MIPEP: variants seen among roughly 807,000 people sequenced by gnomAD.
The protein encoded by MIPEP is mitochondrial intermediate peptidase.
Under a neutral mutation model 90.3 loss-of-function variants are expected in MIPEP, and 79 were observed. The observed-to-expected ratio is 0.87, with a 90% CI of 0.73 to 1.05. MIPEP has a LOEUF of 1.05. Among genes scored for constraint, MIPEP ranks in the 50% least tolerant of loss-of-function variants. The probability of loss-of-function intolerance (pLI) is 0.00; values close to 1 mark genes in which losing one functional copy is unlikely to be tolerated. For synonymous variants in MIPEP, 334 were observed against 315.8 expected (o/e 1.06, Z -0.61); for missense variants, 940 against 905.6 (o/e 1.04, Z -0.49).
intron 18 of MIPEP, among the ~76,000 whole-genome samples, chr13:23,744,691 A>G (rs1223017303): frequency 6.6e-6 from 1 of 152,256 alleles, no homozygotes; most frequent in Non-Finnish European, 1.5e-5. Flanking sequence ...ACAATAAAAT[A>G]ACAAATGTAT....
chr13:23,869,548 C>T, intron 6 of MIPEP, 100 bp from the exon 7 acceptor site: 1 of 1,094,770 alleles, frequency 9.1e-7, no homozygotes, highest in Non-Finnish European at 1.3e-6. Context: ...TGCAGATGAT[C>T]ACTGCTTTCA....
Position 23,886,335 on chromosome 13 carries a change from A to C in MIPEP, c.361T>G (p.Leu121Val). 6.5e-7 allele frequency: 1 copy of C among 1,527,696 alleles called. No homozygotes were observed. Among genetic ancestry groups the C allele is most frequent in the Non-Finnish European group, 8.8e-7 (1 of 1,136,756 alleles). 94.6% of individuals were successfully genotyped at this position (1,527,696 alleles called of 1,614,324 possible). Residue 121 changes from leucine to valine, a missense_variant and splice_region_variant, in exon 2 of 19, where the codon TTG (leucine) becomes GTG (valine). By Grantham distance (32) the Leu-to-Val change is conservative (BLOSUM62 1). Coordinates refer to ENST00000382172, the MANE Select transcript of MIPEP (RefSeq NM_005932.4). ...LSDSLCRVAD[L>V]ADFVKIAHPE... ...AAGTCTGAGGTAAAGCACCTTACCA[A>C]GTCGGCCACTCTGCATAAGGAATCC... is the stretch of plus-strand genomic sequence containing the variant.
chr13:23,755,270 C>T (rs1952480024), intron 18 of MIPEP, among the ~76,000 whole-genome samples: 1 of 152,242 alleles, frequency 6.6e-6, no homozygotes, highest in Admixed American at 6.5e-5. Flanking sequence ...ACTACTTCAC[C>T]TCTGGCACAT....
intron 1 of MIPEP, 25 bp downstream of exon 1, chr13:23,889,106 AG>A: frequency 7.2e-7 from 1 of 1,390,540 alleles, no homozygotes; most frequent in Non-Finnish European, 9.3e-7. Context: ...TCGGGGACTG[AG>A]GGGAGCTCCT....
intron 16 of MIPEP, among the ~76,000 whole-genome samples, chr13:23,797,343 C>T (rs1161941128): frequency 6.6e-6 from 1 of 152,216 alleles, no homozygotes; most frequent in Non-Finnish European, 1.5e-5. Context: ...TGGCCCAACA[C>T]TGTTCATCTC....
At chr13:23,750,006 T>C (rs1593131472) in intron 18 of MIPEP, among the ~76,000 whole-genome samples, 1 of 152,088 alleles carries the variant, frequency 6.6e-6, no homozygotes, top group Admixed American at 6.6e-5. Context: ...AAGGGAAACA[T>C]GGTGGAGTCA....
chr13:23,870,227 G>A (rs1870730354), intron 5 of MIPEP, 32 bp from the exon 6 acceptor site: 3 of 1,418,494 alleles, frequency 2.1e-6, no homozygotes, highest in East Asian at 2.5e-5. Flanking sequence ...GTTATTTAAA[G>A]GCGTTTTGAA....
rs1386750578 is a variant in MIPEP, at chr13:23,872,147, T to C, written c.604-1952A>G. Reference sequence around the variant, plus strand: ...AACATTTCTATTACATTTAAACTTATAAGTTATATTTGTATGAGACCTTAA... The same window carrying C: ...AACATTTCTATTACATTTAAACTTACAAGTTATATTTGTATGAGACCTTAA... On this transcript the variant is annotated intron_variant, in intron 5 of 18. Transcript: ENST00000382172. 2.0e-5 allele frequency among the ~76,000 whole-genome samples: 3 copies of C among 152,234 alleles called. No individual in the cohort carries two copies. In the East Asian group the frequency reaches 5.8e-4, roughly 29 times the overall value.
intron 14 of MIPEP, among the ~76,000 whole-genome samples, chr13:23,833,924 C>A (rs912298191): frequency 6.6e-6 from 1 of 152,140 alleles, no homozygotes; most frequent in African/African-American, 2.4e-5. Context: ...CCCCTCCTGG[C>A]GGCAGTGATG....
At chr13:23,809,794 T>C in intron 15 of MIPEP, 56 bp downstream of exon 15, 1 of 1,023,972 alleles carries the variant, frequency 9.8e-7, no homozygotes, top group Non-Finnish European at 1.5e-6. Flanking sequence ...TGTAAAGTTA[T>C]ATATTTATTT....
intron 17 of MIPEP, among the ~76,000 whole-genome samples, chr13:23,757,250 G>A (rs1366962036): frequency 1.3e-5 from 2 of 151,996 alleles, no homozygotes; most frequent in East Asian, 3.9e-4. Context: ...CACATGCGCA[G>A]TTCACAGTAG....
At chr13:23,886,150 TATA>T (rs1292516632) in intron 2 of MIPEP, among the ~76,000 whole-genome samples, 180 bp downstream of exon 2, 5 of 152,192 alleles carry the variant, frequency 3.3e-5, no homozygotes, top group Non-Finnish European at 5.9e-5. Context: ...CACCTTTTCC[TATA>T]ATATTTTCCC....
intron 18 of MIPEP, among the ~76,000 whole-genome samples, chr13:23,752,680 T>G (rs1345057396): frequency 6.6e-6 from 1 of 152,180 alleles, no homozygotes; most frequent in Non-Finnish European, 1.5e-5. Flanking sequence ...AACCTTAACA[T>G]TGACAATGAG....
chr13:23,880,873 A>C (rs571245544), intron 3 of MIPEP, among the ~76,000 whole-genome samples: 5 of 152,090 alleles, frequency 3.3e-5, no homozygotes, highest in African/African-American at 1.2e-4. Flanking sequence ...CTCCTCCAAC[A>C]ATTTCTGGCA....
chr13:23,806,359 C>A lies in MIPEP; in HGVS notation c.1729-290G>T, dbSNP rs564713039. Among the ~76,000 whole-genome samples the A allele has an allele frequency of 3.3e-5, 5 of 152,196 alleles. No individual in the cohort carries two copies. In the East Asian group the frequency reaches 9.6e-4, roughly 29 times the overall value. The stretch of plus-strand genomic sequence containing the variant: ...ATGGCAGCAAATCAAATATGTGACA[C>A]AAAACTGGAATTTTGCCAAAATATA... On this transcript the variant is annotated intron_variant, in intron 15 of 18. Transcript: ENST00000382172.
intron 10 of MIPEP, among the ~76,000 whole-genome samples, chr13:23,845,956 T>C (rs767566481): frequency 6.6e-6 from 1 of 151,672 alleles, no homozygotes; most frequent in African/African-American, 2.4e-5. Context: ...TCATGCTCTA[T>C]CACCCAGGCG....
At chr13:23,868,721 T>C (rs1425989667) in intron 7 of MIPEP, among the ~76,000 whole-genome samples, 2 of 152,206 alleles carry the variant, frequency 1.3e-5, no homozygotes, top group Non-Finnish European at 2.9e-5. Context: ...AAAAACGTAT[T>C]ATGTACATTT....
At chr13:23,777,642 A>G (rs1952733694) in intron 16 of MIPEP, among the ~76,000 whole-genome samples, 1 of 152,200 alleles carries the variant, frequency 6.6e-6, no homozygotes, top group South Asian at 2.1e-4. Context: ...AAAAAATAAG[A>G]TTAGAGTGTT....
chr13:23,795,901 C>CA (rs1952953983), intron 16 of MIPEP, among the ~76,000 whole-genome samples: 1 of 150,488 alleles, frequency 6.6e-6, no homozygotes, highest in South Asian at 2.1e-4. Context: ...GAAACCGAGA[C>CA]AGGAGGGTCA....
Sources: gnomAD v4.1 joint callset for allele counts (sites outside exome capture counted in the v4.1 genomes callset) on GRCh38, gnomAD v4.1.1 for gene constraint, MANE v1.5 for transcripts, NCBI Gene and HGNC (gene_info 2026-07-23, HGNC 2026-07-21) for gene names.